Variants in TNRC6B observed in about 807,000 individuals in gnomAD.
TNRC6B encodes the protein trinucleotide repeat containing adaptor 6B.
TNRC6B carries 52 observed loss-of-function variants against 203.6 expected under a neutral mutation model. The ratio of observed to expected loss-of-function variants is 0.26; its 90% CI spans 0.20 to 0.32. TNRC6B has a LOEUF of 0.32. Ranked by LOEUF, TNRC6B falls within the 10% of genes least tolerant of loss-of-function variation. The probability of loss-of-function intolerance (pLI) is 1.00; values close to 1 mark genes in which losing one functional copy is unlikely to be tolerated. For missense variants in TNRC6B, 1,923 were observed against 2,286.2 expected, an observed-to-expected ratio of 0.84 and a Z score of 3.24; for synonymous variants, 838 against 845.7, an observed-to-expected ratio of 0.99 and a Z score of 0.16.
chr22:40,280,392 T>C (rs1232042056), intron 10 of TNRC6B, among the ~76,000 whole-genome samples: 2 of 152,244 alleles, frequency 1.3e-5, no homozygotes, highest in African/African-American at 4.8e-5. Context: ...TCATGAAGTG[T>C]GGAAATTTTA....
chr22:40,299,074 G>T (rs181273706), intron 12 of TNRC6B, among the ~76,000 whole-genome samples: 6 of 151,458 alleles, frequency 4.0e-5, no homozygotes, highest in Admixed American at 6.6e-5. Flanking sequence ...CCAGCCGGGA[G>T]GTCAAGGCTG....
intron 1 of TNRC6B, among the ~76,000 whole-genome samples, chr22:40,209,820 A>C (rs992708607): frequency 3.9e-5 from 6 of 152,130 alleles, no homozygotes; most frequent in African/African-American, 1.4e-4. Flanking sequence ...GCAGTTCAAC[A>C]CCAGCCTGGC....
chr22:40,299,583 G>A (rs1379355905), intron 12 of TNRC6B, among the ~76,000 whole-genome samples: 1 of 152,014 alleles, frequency 6.6e-6, no homozygotes, highest in Non-Finnish European at 1.5e-5. Context: ...AGAGATGATA[G>A]CTCGCTATGT....
intron 1 of TNRC6B, among the ~76,000 whole-genome samples, chr22:40,214,411 A>T (rs1336392365): frequency 1.3e-5 from 2 of 152,202 alleles, no homozygotes; most frequent in African/African-American, 4.8e-5. Flanking sequence ...GTGAAATCTG[A>T]ATAAGGTTGG....
intron 4 of TNRC6B, among the ~76,000 whole-genome samples, chr22:40,169,712 C>A (rs1218601597): frequency 6.6e-6 from 1 of 152,084 alleles, no homozygotes; most frequent in Non-Finnish European, 1.5e-5. Flanking sequence ...AAATACAAAT[C>A]TGATTGTATC....
At chr22:40,224,216 G>C (rs1164535134) in intron 1 of TNRC6B, among the ~76,000 whole-genome samples, 1 of 152,096 alleles carries the variant, frequency 6.6e-6, no homozygotes, top group Non-Finnish European at 1.5e-5. Context: ...TGTTGGCCAG[G>C]CTGGTCTCGA....
chr22:40,075,156 ATTTTTTTTTTTT>A lies in TNRC6B; in HGVS notation c.-121+30170_-121+30181del, dbSNP rs58240994. 9.3e-4 allele frequency among the ~76,000 whole-genome samples: 33 copies of A among 35,558 alleles called. 1 individual carries two copies. In the South Asian group the frequency reaches 0.03, roughly 32 times the overall value. 23.3% of individuals were successfully genotyped at this position (35,558 alleles called of 152,430 possible). On this transcript the variant is annotated intron_variant, in intron 1 of 23. Coordinates refer to the TNRC6B transcript ENST00000301923. ...TCTGTTCATATATATATATATATATATTTTTTTTTTTTTTTTTTTTTTTCTTACTGATTTTCT... is the reference window on the plus strand; with the variant it reads ...TCTGTTCATATATATATATATATATATTTTTTTTTTTCTTACTGATTTTCT...
At chr22:40,136,652 T>TC (rs1444705119) in intron 3 of TNRC6B, among the ~76,000 whole-genome samples, 2 of 151,850 alleles carry the variant, frequency 1.3e-5, no homozygotes, top group African/African-American at 4.8e-5. Flanking sequence ...CAAGAGATCC[T>TC]CCCACCTTAG....
Position 40,283,040 on chromosome 22 carries a change from A to G in TNRC6B, c.3582+1751A>G, listed in dbSNP as rs891761410. On this transcript the variant is annotated intron_variant, in intron 11 of 22. Coordinates refer to ENST00000454349, the MANE Select transcript of TNRC6B (RefSeq NM_001162501.2). ...TTCATTTTTTATTTTTTATTTATTT[A>G]TTTATTTATTTTGAGATGGAGTCTT... 3.3e-5 allele frequency among the ~76,000 whole-genome samples: 5 copies of G among 151,232 alleles called. No individual in the cohort carries two copies. In the South Asian group the frequency reaches 6.3e-4, roughly 19 times the overall value.
At chr22:40,169,215 T>A (rs971673264) in intron 4 of TNRC6B, among the ~76,000 whole-genome samples, 2 of 149,636 alleles carry the variant, frequency 1.3e-5, no homozygotes, top group Admixed American at 6.8e-5. Context: ...TACTGCAATC[T>A]CTGCCTCCCG....
At chr22:40,117,538 G>A (rs2068400655) in intron 2 of TNRC6B, among the ~76,000 whole-genome samples, 1 of 152,166 alleles carries the variant, frequency 6.6e-6, no homozygotes, top group South Asian at 2.1e-4. Context: ...TGCTGCAGAT[G>A]TTGTCCCACA....
intron 1 of TNRC6B, among the ~76,000 whole-genome samples, chr22:40,228,192 C>A (rs942436211): frequency 6.6e-6 from 1 of 151,974 alleles, no homozygotes; most frequent in African/African-American, 2.4e-5. Context: ...CTTTGGGAGG[C>A]CGAGGCAGGC....
intron 3 of TNRC6B, among the ~76,000 whole-genome samples, chr22:40,143,473 G>GA (rs2068661886): frequency 2.0e-5 from 3 of 151,904 alleles, no homozygotes; most frequent in African/African-American, 4.8e-5. Context: ...TATAGATTGG[G>GA]AAAAAACATT....
intron 1 of TNRC6B, among the ~76,000 whole-genome samples, chr22:40,230,924 A>C (rs895399141): frequency 6.6e-6 from 1 of 152,144 alleles, no homozygotes; most frequent in Non-Finnish European, 1.5e-5. Flanking sequence ...TATATTGCCA[A>C]GGTACAAATT....
chr22:40,143,637 C>A (rs1405652211), intron 3 of TNRC6B, among the ~76,000 whole-genome samples: 1 of 152,158 alleles, frequency 6.6e-6, no homozygotes, highest in East Asian at 1.9e-4. Context: ...GCTGGGACTA[C>A]AGGCGCCCAC....
chr22:40,059,835 T>TTC (rs1555973391), intron 1 of TNRC6B, among the ~76,000 whole-genome samples: 5 of 138,138 alleles, frequency 3.6e-5, no homozygotes, highest in Non-Finnish European at 6.0e-5. Flanking sequence ...TTTTTTTTTT[T>TTC]CCCCCCGAGA....
chr22:40,161,666 T>C (rs2068872404), intron 4 of TNRC6B, among the ~76,000 whole-genome samples: 1 of 152,216 alleles, frequency 6.6e-6, no homozygotes, highest in African/African-American at 2.4e-5. Flanking sequence ...TCTAGATCAG[T>C]TGTGCTGAAT....
intron 1 of TNRC6B, among the ~76,000 whole-genome samples, chr22:40,188,351 A>T (rs1386539204): frequency 1.3e-5 from 2 of 152,236 alleles, no homozygotes; most frequent in Non-Finnish European, 2.9e-5. Context: ...TTTTTCTGTG[A>T]AGTGCCCTGT....
At chr22:40,150,960 C>T (rs759151399) in intron 3 of TNRC6B, among the ~76,000 whole-genome samples, 34 of 152,148 alleles carry the variant, frequency 2.2e-4, no homozygotes, top group Non-Finnish European at 4.7e-4. Context: ...CACACACATA[C>T]ACCCAAAATC....
Sources: gnomAD v4.1 joint callset for allele counts (sites outside exome capture counted in the v4.1 genomes callset) on GRCh38, gnomAD v4.1.1 for gene constraint, MANE v1.5 for transcripts, NCBI Gene and HGNC (gene_info 2026-07-23, HGNC 2026-07-21) for gene names.